The following DIAPH3 variants were observed in gnomAD, a reference collection of about 807,000 sequenced individuals.
DIAPH3 encodes diaphanous related formin 3, also known as protein diaphanous homolog 3.
DIAPH3 carries 117 observed loss-of-function variants against 144.3 expected under a neutral mutation model. That is an observed-to-expected ratio of 0.81 (90% CI 0.70 to 0.95). DIAPH3 has a LOEUF of 0.95. DIAPH3 is among the 40% of genes least tolerant of loss of function. The probability of loss-of-function intolerance (pLI) is 0.00; values close to 1 mark genes in which losing one functional copy is unlikely to be tolerated. For missense variants in DIAPH3, 1,421 were observed against 1,412.7 expected (o/e 1.01, Z -0.09); for synonymous variants, 519 against 488.9 (o/e 1.06, Z -0.81).
chr13:59,960,743 A>G (rs994375209), intron 17 of DIAPH3, among the ~76,000 whole-genome samples: 3 of 152,206 alleles, frequency 2.0e-5, no homozygotes, highest in Admixed American at 1.3e-4. Flanking sequence ...CACCAGTTCT[A>G]TGCTCTAAAA....
chr13:59,815,081 A>G (rs2040696310), intron 24 of DIAPH3, among the ~76,000 whole-genome samples: 4 of 152,214 alleles, frequency 2.6e-5, no homozygotes, highest in Admixed American at 2.6e-4. Context: ...TTAAAAATCC[A>G]TTCATTCATT....
intron 27 of DIAPH3, among the ~76,000 whole-genome samples, chr13:59,766,204 G>A (rs1462283306): frequency 6.6e-6 from 1 of 152,102 alleles, no homozygotes; most frequent in East Asian, 1.9e-4. Flanking sequence ...AGGCTGCTGG[G>A]GATCATTTGC....
At chr13:59,929,621 G>A (rs1483590308) in intron 17 of DIAPH3, among the ~76,000 whole-genome samples, 7 of 145,056 alleles carry the variant, frequency 4.8e-5, no homozygotes, top group South Asian at 2.2e-4. Flanking sequence ...AGAGTGCAGC[G>A]GTGTGATCTC....
intron 17 of DIAPH3, among the ~76,000 whole-genome samples, chr13:59,957,010 C>G (rs962978656): frequency 6.6e-6 from 1 of 152,170 alleles, no homozygotes; most frequent in East Asian, 1.9e-4. Context: ...GCATGTACCC[C>G]CATTGTATCT....
intron 17 of DIAPH3, among the ~76,000 whole-genome samples, chr13:59,940,121 T>C (rs1356760889): frequency 6.6e-6 from 1 of 152,136 alleles, no homozygotes; most frequent in East Asian, 1.9e-4. Context: ...CCAAATCTGC[T>C]ATTAAAAAGA....
chr13:59,903,155 T>C (rs1352796127), intron 20 of DIAPH3, among the ~76,000 whole-genome samples: 3 of 152,142 alleles, frequency 2.0e-5, no homozygotes. Flanking sequence ...GAAACCAAAA[T>C]GGGTTCTTGA....
intron 27 of DIAPH3, among the ~76,000 whole-genome samples, chr13:59,734,753 C>T (rs1047942896): frequency 6.6e-6 from 1 of 152,196 alleles, no homozygotes; most frequent in African/African-American, 2.4e-5. Context: ...CAGAAAGGTG[C>T]AGGCGGCTCT....
chr13:59,995,901 G>A (rs1471079385), intron 9 of DIAPH3, among the ~76,000 whole-genome samples: 1 of 152,002 alleles, frequency 6.6e-6, no homozygotes, highest in African/African-American at 2.4e-5. Flanking sequence ...GAAAAAGGAG[G>A]TGTCAGAACT....
chr13:60,068,696 T>C (rs1425725991), intron 4 of DIAPH3, among the ~76,000 whole-genome samples: 3 of 152,184 alleles, frequency 2.0e-5, no homozygotes, highest in Admixed American at 6.5e-5. Flanking sequence ...CCCTTCTTCA[T>C]GTCCATGTGT....
At chr13:59,899,141 T>C (rs2046295689) in intron 20 of DIAPH3, among the ~76,000 whole-genome samples, 1 of 152,162 alleles carries the variant, frequency 6.6e-6, no homozygotes, top group Non-Finnish European at 1.5e-5. Flanking sequence ...GACTAAAGGC[T>C]GCAGTGCCAG....
chr13:59,705,179 A>G (rs2034347958), intron 27 of DIAPH3, among the ~76,000 whole-genome samples: 1 of 151,774 alleles, frequency 6.6e-6, no homozygotes, highest in Non-Finnish European at 1.5e-5. Flanking sequence ...CACTCCAAAG[A>G]AACAGACCGG....
At chr13:59,714,099 G>T (rs920577085) in intron 27 of DIAPH3, among the ~76,000 whole-genome samples, 4 of 152,144 alleles carry the variant, frequency 2.6e-5, no homozygotes, top group South Asian at 2.1e-4. Flanking sequence ...GGTGGCTCAC[G>T]CCTGTAATCC....
At chr13:60,081,047 G>C (rs992779251) in intron 4 of DIAPH3, among the ~76,000 whole-genome samples, 6 of 151,892 alleles carry the variant, frequency 4.0e-5, no homozygotes, top group African/African-American at 1.5e-4. Flanking sequence ...AATTCTTTAA[G>C]ATAGTCTTTC....
rs185355918 is a variant in DIAPH3, at chr13:59,811,105, A to G, written c.3028-182T>C. Among the ~76,000 whole-genome samples, 273 of 152,298 alleles carry G rather than the reference A, an allele frequency of 1.8e-3. 1 individual carries two copies. Among genetic ancestry groups the G allele is most frequent in the Middle Eastern group, 6.8e-3 (2 of 294 alleles). On this transcript the variant is annotated intron_variant, in intron 24 of 27. Transcript: ENST00000400324. ...GAAACCCTTGTTAACTATGTTATGT[A>G]TCTATAAATACGACTGTTATTAAAC...
intron 19 of DIAPH3, among the ~76,000 whole-genome samples, chr13:59,912,797 T>C (rs2047056204): frequency 6.6e-6 from 1 of 152,108 alleles, no homozygotes; most frequent in South Asian, 2.1e-4. Flanking sequence ...GGGGGGAAAT[T>C]CCCCAAAGGT....
At chr13:59,990,994 A>G (rs2051771111) in intron 12 of DIAPH3, among the ~76,000 whole-genome samples, 164 bp downstream of exon 12, 1 of 151,982 alleles carries the variant, frequency 6.6e-6, no homozygotes, top group South Asian at 2.1e-4. Flanking sequence ...TCATTTTACC[A>G]TCGTCTACCT....
chr13:59,839,505 A>G, intron 22 of DIAPH3, 57 bp from the exon 23 acceptor site: 1 of 1,533,634 alleles, frequency 6.5e-7, no homozygotes. Flanking sequence ...TATAAAAGGT[A>G]AGACACCCTA....
At chr13:60,159,230 A>G (rs952350412) in intron 1 of DIAPH3, among the ~76,000 whole-genome samples, 1 of 152,212 alleles carries the variant, frequency 6.6e-6, no homozygotes, top group Non-Finnish European at 1.5e-5. Flanking sequence ...TATTAATTAA[A>G]GGCATCACTA....
chr13:59,708,349 C>A (rs1342168806), intron 27 of DIAPH3, among the ~76,000 whole-genome samples: 2 of 152,160 alleles, frequency 1.3e-5, no homozygotes, highest in African/African-American at 2.4e-5. Flanking sequence ...TACCTACAAT[C>A]GCAGTTTCTA....
Sources: allele counts gnomAD v4.1 joint callset (sites outside exome capture counted in the v4.1 genomes callset), GRCh38; gene constraint gnomAD v4.1.1; transcripts MANE v1.5; gene names NCBI Gene and HGNC (gene_info 2026-07-23, HGNC 2026-07-21).